Variants in RASSF8 observed in about 807,000 individuals in gnomAD.
The protein encoded by RASSF8 is ras association domain-containing protein 8.
In RASSF8, 22 loss-of-function variants were observed where a neutral mutation model predicts 48.5. The observed-to-expected ratio is 0.45, with a 90% CI of 0.32 to 0.65. The LOEUF is 0.65. Among genes scored for constraint, RASSF8 ranks in the 30% least tolerant of loss-of-function variants. The probability of loss-of-function intolerance (pLI) is 0.03; values close to 1 mark genes in which losing one functional copy is unlikely to be tolerated. For synonymous variants in RASSF8, 127 were observed against 171.5 expected, an observed-to-expected ratio of 0.74 and a Z score of 2.03; for missense variants, 418 against 489.2, an observed-to-expected ratio of 0.85 and a Z score of 1.37.
chr12:26,068,448 C>T (rs1943929138), intron 5 of RASSF8, among the ~76,000 whole-genome samples: 1 of 151,906 alleles, frequency 6.6e-6, no homozygotes. Context: ...ATGGTGTGAA[C>T]AACCAAAAAA....
downstream of RASSF8, among the ~76,000 whole-genome samples, chr12:26,076,517 T>C (rs1463511771): frequency 1.3e-5 from 2 of 152,208 alleles, no homozygotes; most frequent in African/African-American, 4.8e-5. Context: ...CATGTGGTGT[T>C]TGGTTTTCTG....
At position 26,060,200 on chromosome 12, in the gene RASSF8, ATT is replaced by A. The variant is rs1240299232; in HGVS notation, c.104-4294_104-4293del. Among the ~76,000 whole-genome samples the A allele has an allele frequency of 5.3e-5, 8 of 152,212 alleles. No individual in the cohort carries two copies. The South Asian group carries it at 1.7e-3, about 32-fold the overall frequency. ...ATGTGAGCCACCGTGCCTGACCACT[ATT>A]TTTATTATGTTTAGTAGTAGTGAGC... On this transcript the variant is annotated intron_variant, in intron 3 of 5. Coordinates refer to ENST00000689635, the MANE Select transcript of RASSF8 (RefSeq NM_001394098.1).
At chr12:26,016,707 G>A (rs539979781) in intron 2 of RASSF8, among the ~76,000 whole-genome samples, 6 of 152,246 alleles carry the variant, frequency 3.9e-5, no homozygotes, top group South Asian at 4.2e-4. Flanking sequence ...AGTTATCCAC[G>A]TCAGTCCATT....
chr12:26,066,259 A>G (rs1393075454), intron 4 of RASSF8, among the ~76,000 whole-genome samples: 2 of 152,180 alleles, frequency 1.3e-5, no homozygotes, highest in Non-Finnish European at 2.9e-5. Context: ...CTTACGATTC[A>G]AAGTGTAGTC....
intron 2 of RASSF8, among the ~76,000 whole-genome samples, chr12:26,002,186 A>G (rs964253177): frequency 9.9e-5 from 15 of 152,240 alleles, no homozygotes; most frequent in Non-Finnish European, 2.1e-4. Context: ...TAATCCCAGC[A>G]CTTTGGGAGG....
intron 2 of RASSF8, among the ~76,000 whole-genome samples, chr12:26,045,533 G>T (rs1237057534): frequency 6.6e-6 from 1 of 152,108 alleles, no homozygotes; most frequent in Admixed American, 6.6e-5. Flanking sequence ...ATGTATACCT[G>T]CAAAGGAATA....
chr12:26,035,440 TAA>T, intron 2 of RASSF8, among the ~76,000 whole-genome samples: 1 of 21,424 alleles, frequency 4.7e-5, no homozygotes, highest in East Asian at 9.5e-4. Flanking sequence ...TATAATTATA[TAA>T]TATAAGTATA....
chr12:26,001,109 C>T (rs374541261), intron 2 of RASSF8, among the ~76,000 whole-genome samples: 4 of 147,796 alleles, frequency 2.7e-5, no homozygotes, highest in African/African-American at 7.5e-5. Context: ...TTCAGCCTAT[C>T]GAGTAGCTGG....
At position 26,072,334 on chromosome 12, in the gene RASSF8, T is replaced by A; in HGVS notation, c.*3516T>A. The A allele has an allele frequency of 4.1e-6, 4 of 985,440 alleles. 1 individual carries two copies. In the South Asian group the frequency reaches 1.4e-4, roughly 35 times the overall value. The allele number at this position is 985,440 out of a possible 1,614,324, so 61.0% of individuals were successfully genotyped here. On this transcript the variant is annotated 3_prime_UTR_variant, in exon 6 of 6. Coordinates refer to ENST00000689635, the MANE Select transcript of RASSF8 (RefSeq NM_001394098.1). Reference sequence around the variant, plus strand: ...TGTATCAAAAAGACAAAACAATCACTATTTATTCAGTATTGCTGCTTTACA... The same window carrying A: ...TGTATCAAAAAGACAAAACAATCACAATTTATTCAGTATTGCTGCTTTACA...
At chr12:26,073,776 C>CACACACAT (rs1244639136), downstream of RASSF8, among the ~76,000 whole-genome samples, 1 of 115,260 alleles carries the variant, frequency 8.7e-6, no homozygotes, top group African/African-American at 3.4e-5. Context: ...CACACACACA[C>CACACACAT]ATATATATAT....
intron 2 of RASSF8, among the ~76,000 whole-genome samples, chr12:26,050,540 C>A (rs1470327747): frequency 6.6e-6 from 1 of 152,124 alleles, no homozygotes; most frequent in African/African-American, 2.4e-5. Context: ...GGGATTTGAA[C>A]CTTGGTGCAT....
chr12:25,993,553 G>A (rs1253241639), intron 1 of RASSF8, among the ~76,000 whole-genome samples: 1 of 152,208 alleles, frequency 6.6e-6, no homozygotes, highest in African/African-American at 2.4e-5. Flanking sequence ...GGGAATGAGG[G>A]TAGTTGTTAG....
chr12:26,046,940 A>C (rs1299091843), intron 2 of RASSF8, among the ~76,000 whole-genome samples: 3 of 152,232 alleles, frequency 2.0e-5, no homozygotes, highest in Non-Finnish European at 4.4e-5. Flanking sequence ...TTGTGAAAGA[A>C]AGCCATGAAA....
chr12:26,046,139 T>TTGAA (rs1179318593), intron 2 of RASSF8, among the ~76,000 whole-genome samples: 2 of 152,214 alleles, frequency 1.3e-5, no homozygotes, highest in African/African-American at 4.8e-5. Context: ...TAAGTCTGAT[T>TTGAA]TGAACACCAC....
Position 26,071,491 on chromosome 12 carries a change from G to A in RASSF8, c.*2673G>A. 1 of 960,652 alleles carries A rather than the reference G, an allele frequency of 1.0e-6. No homozygotes were observed. Among genetic ancestry groups the A allele is most frequent in the Admixed American group, 6.2e-5 (1 of 16,222 alleles). The allele number at this position is 960,652 out of a possible 1,614,324, so 59.5% of individuals were successfully genotyped here. A position where few individuals can be genotyped will look rare whatever the true frequency, so the allele number is the denominator to read the frequency against. On this transcript the variant is annotated 3_prime_UTR_variant, in exon 6 of 6. Transcript: ENST00000689635. ...TTTAAAGATCTTTTTATCTTACCAA[G>A]AAATAATTTGGAATAGCATTGGTAT... is the stretch of plus-strand genomic sequence containing the variant.
At chr12:26,022,428 A>G (rs1402469307) in intron 2 of RASSF8, among the ~76,000 whole-genome samples, 1 of 152,170 alleles carries the variant, frequency 6.6e-6, no homozygotes, top group African/African-American at 2.4e-5. Flanking sequence ...CATTACCTAA[A>G]ATGTCCAGGT....
At chr12:26,005,657 A>G (rs1310718053) in intron 2 of RASSF8, among the ~76,000 whole-genome samples, 1 of 152,236 alleles carries the variant, frequency 6.6e-6, no homozygotes, top group Non-Finnish European at 1.5e-5. Context: ...GATGAAACCC[A>G]TCGTTTCTGC....
rs1398177440 is a variant in RASSF8 at position 26,069,391 on chromosome 12, C to G, written c.*573C>G. The G allele has an allele frequency of 1.0e-6, 1 of 984,902 alleles. No homozygotes were observed. The highest frequency in any genetic ancestry group is 1.2e-6 in the Non-Finnish European group (1 of 829,586). 61.0% of individuals were successfully genotyped at this position (984,902 alleles called of 1,614,324 possible). A position where few individuals can be genotyped will look rare whatever the true frequency, so the allele number is the denominator to read the frequency against. The stretch of plus-strand genomic sequence containing the variant: ...ACTTGCATTTGTTTTGTGAAACTGT[C>G]CTAGCCATTGCTTAATTAGGTGAAA... On this transcript the variant is annotated 3_prime_UTR_variant, in exon 6 of 6. Coordinates refer to ENST00000689635, the MANE Select transcript of RASSF8 (RefSeq NM_001394098.1).
At chr12:26,019,279 TA>T (rs1335221739) in intron 2 of RASSF8, among the ~76,000 whole-genome samples, 7 of 152,144 alleles carry the variant, frequency 4.6e-5, no homozygotes, top group African/African-American at 1.7e-4. Context: ...CATATGACTA[TA>T]AAAAATAATA....
Sources: gnomAD v4.1 joint callset for allele counts (sites outside exome capture counted in the v4.1 genomes callset) on GRCh38, gnomAD v4.1.1 for gene constraint, MANE v1.5 for transcripts, NCBI Gene and HGNC (gene_info 2026-07-23, HGNC 2026-07-21) for gene names.